The following AGO3 variants were observed in gnomAD, a reference collection of about 807,000 sequenced individuals.
The protein encoded by AGO3 is protein argonaute-3.
A neutral mutation model predicts 105.5 loss-of-function variants in AGO3; 16 were observed. The ratio of observed to expected loss-of-function variants is 0.15; its 90% CI spans 0.10 to 0.23. AGO3 has a LOEUF of 0.23. AGO3 is among the 10% of genes least tolerant of loss of function. AGO3 has a pLI of 1.00. For synonymous variants in AGO3, 340 were observed against 367.3 expected (o/e 0.93, Z 0.85); for missense variants, 534 against 1,088.0 (o/e 0.49, Z 7.16).
At chr1:36,032,561 T>A (rs980420775) in intron 12 of AGO3, among the ~76,000 whole-genome samples, 11 of 151,930 alleles carry the variant, frequency 7.2e-5, no homozygotes, top group African/African-American at 1.7e-4. Flanking sequence ...AAAAAAAAAA[T>A]TTGGCAGGGA....
chr1:35,948,800 T>C (rs191903575), intron 2 of AGO3, among the ~76,000 whole-genome samples: 2 of 152,140 alleles, frequency 1.3e-5, no homozygotes, highest in Non-Finnish European at 2.9e-5. Context: ...TTTAGGTTGC[T>C]TTATCTTACA....
intron 4 of AGO3, among the ~76,000 whole-genome samples, chr1:35,972,845 A>AT (rs1646892652): frequency 6.7e-6 from 1 of 149,220 alleles, no homozygotes; most frequent in African/African-American, 2.5e-5. Flanking sequence ...TGCCTGACTA[A>AT]TTAAAAAAAA....
intron 5 of AGO3, among the ~76,000 whole-genome samples, chr1:35,981,727 A>G (rs1436726797): frequency 6.6e-6 from 1 of 152,106 alleles, no homozygotes; most frequent in Non-Finnish European, 1.5e-5. Context: ...ACCACCCTCC[A>G]CTTATTGTTC....
At chr1:36,035,817 G>T (rs1373939581) in intron 13 of AGO3, among the ~76,000 whole-genome samples, 1 of 152,094 alleles carries the variant, frequency 6.6e-6, no homozygotes, top group Non-Finnish European at 1.5e-5. Context: ...TGGATCACAG[G>T]GTCAGGAGAT....
At chr1:36,041,201 A>G (rs1386841951) in intron 16 of AGO3, among the ~76,000 whole-genome samples, 1 of 151,430 alleles carries the variant, frequency 6.6e-6, no homozygotes, top group Non-Finnish European at 1.5e-5. Context: ...TTAGGAAGGA[A>G]AGAGAGGTAT....
chr1:36,013,120 G>A (rs114628703), intron 9 of AGO3, among the ~76,000 whole-genome samples: 2,312 of 151,964 alleles, frequency 0.015, 66 homozygotes, highest in African/African-American at 0.051. Context: ...TTAATTTTTT[G>A]TAGAGATGAG....
chr1:35,980,240 T>G (rs568569994), intron 5 of AGO3, among the ~76,000 whole-genome samples: 12 of 152,348 alleles, frequency 7.9e-5, no homozygotes, highest in Middle Eastern at 3.4e-3. Flanking sequence ...TATTGCTCTT[T>G]ATAATTTTAT....
At chr1:35,941,880 A>G (rs958978715) in intron 1 of AGO3, among the ~76,000 whole-genome samples, 7 of 152,222 alleles carry the variant, frequency 4.6e-5, no homozygotes, top group African/African-American at 1.7e-4. Flanking sequence ...AGCACTTAGC[A>G]CATTGCCTGA....
intron 5 of AGO3, chr1:35,982,549 C>T (rs1258976896): frequency 1.5e-6 from 1 of 660,424 alleles, no homozygotes; most frequent in Non-Finnish European, 2.8e-6. Context: ...GAAAACTTCT[C>T]TCTATCCTTT....
chr1:35,931,428 TG>T lies in AGO3; in HGVS notation c.4del (p.Glu2?). The part of the protein sequence containing the change: [M>X]EIGSAGPAGA... ...GAAGCACTCCCCCCAGCTCCATGAA[TG>T]GAAATCGGCTCCGCAGGTGAGTCAG... On this transcript the variant is annotated frameshift_variant and start_lost, in exon 1 of 19. Coordinates refer to ENST00000373191, the MANE Select transcript of AGO3 (RefSeq NM_024852.4). LOFTEE classifies it high-confidence loss of function. The T allele has an allele frequency of 6.6e-7, 1 of 1,515,212 alleles. No individual in the cohort carries two copies. The allele number at this position is 1,515,212 out of a possible 1,614,324, so 93.9% of individuals were successfully genotyped here. A position where few individuals can be genotyped will look rare whatever the true frequency, so the allele number is the denominator to read the frequency against.
At chr1:36,038,663 G>GC in intron 14 of AGO3, among the ~76,000 whole-genome samples, 1 of 152,270 alleles carries the variant, frequency 6.6e-6, no homozygotes, top group Admixed American at 6.5e-5. Flanking sequence ...GGGTCTGGAG[G>GC]CAGTGACCAG....
intron 12 of AGO3, among the ~76,000 whole-genome samples, chr1:36,033,416 G>T (rs566862883): frequency 1.3e-5 from 2 of 151,770 alleles, no homozygotes; most frequent in African/African-American, 4.8e-5. Context: ...GGAGCAGGAG[G>T]ATCACTTGAG....
intron 17 of AGO3, among the ~76,000 whole-genome samples, chr1:36,046,766 C>T (rs1481116677): frequency 1.3e-5 from 2 of 149,740 alleles, no homozygotes; most frequent in Admixed American, 6.7e-5. Context: ...TAAGCTGAAG[C>T]AGTGCCCTGC....
intron 1 of AGO3, among the ~76,000 whole-genome samples, chr1:35,934,267 A>C (rs1051092892): frequency 6.6e-5 from 10 of 152,236 alleles, no homozygotes; most frequent in Non-Finnish European, 1.2e-4. Flanking sequence ...ACTACCGTTT[A>C]GGACAGAGGA....
chr1:36,041,699 C>T (rs1225570009), intron 16 of AGO3, among the ~76,000 whole-genome samples: 1 of 152,106 alleles, frequency 6.6e-6, no homozygotes, highest in African/African-American at 2.4e-5. Context: ...ATAGAAAGGA[C>T]TAAGAGAGGG....
In AGO3 at chr1:36,069,940, C is replaced by T. The variant is rs1381048292; in HGVS notation, c.*14195C>T. On this transcript the variant is annotated 3_prime_UTR_variant, in exon 19 of 19. Transcript: ENST00000373191. ...GGCACGATGGAGGGTGCCTGTAATCCCAGCTACTCGGGAGGCTAAGGTGGG... is the reference window on the plus strand; with the variant it reads ...GGCACGATGGAGGGTGCCTGTAATCTCAGCTACTCGGGAGGCTAAGGTGGG... 6.6e-6 allele frequency: 1 copy of T among 152,154 alleles called. No homozygotes were observed. Among genetic ancestry groups the T allele is most frequent in the African/African-American group, 2.4e-5 (1 of 41,420 alleles). 9.4% of individuals were successfully genotyped at this position (152,154 alleles called of 1,614,324 possible). A position where few individuals can be genotyped will look rare whatever the true frequency, so the allele number is the denominator to read the frequency against.
chr1:35,991,534 T>TG (rs1647653890), intron 5 of AGO3, among the ~76,000 whole-genome samples: 1 of 142,568 alleles, frequency 7.0e-6, no homozygotes, highest in Non-Finnish European at 1.5e-5. Context: ...GGGAGCAAAT[T>TG]TTATATATAT....
intron 13 of AGO3, among the ~76,000 whole-genome samples, chr1:36,035,641 T>G (rs892793718): frequency 5.3e-5 from 8 of 152,182 alleles, no homozygotes; most frequent in Non-Finnish European, 1.2e-4. Context: ...AGTTTATAAT[T>G]TTGTGCCCAT....
intron 5 of AGO3, among the ~76,000 whole-genome samples, chr1:35,997,419 T>C (rs999056192): frequency 8.5e-5 from 13 of 152,346 alleles, no homozygotes; most frequent in Admixed American, 8.5e-4. Context: ...GTAGAAATTG[T>C]ATTTATAGTA....
Sources: gnomAD v4.1 joint callset for allele counts (sites outside exome capture counted in the v4.1 genomes callset) on GRCh38, gnomAD v4.1.1 for gene constraint, MANE v1.5 for transcripts, NCBI Gene and HGNC (gene_info 2026-07-23, HGNC 2026-07-21) for gene names.